TRPC6: variants seen among roughly 807,000 people sequenced by gnomAD.
TRPC6 encodes short transient receptor potential channel 6.
TRPC6 carries 55 observed loss-of-function variants against 90.7 expected under a neutral mutation model. The ratio of observed to expected loss-of-function variants is 0.61; its 90% confidence interval spans 0.49 to 0.76. TRPC6 has a LOEUF of 0.76. Among genes scored for constraint, TRPC6 ranks in the 30% least tolerant of loss-of-function variants. The probability of loss-of-function intolerance (pLI) is 0.00; values close to 1 mark genes in which losing one functional copy is unlikely to be tolerated. For synonymous variants in TRPC6, 393 were observed against 393.0 expected (o/e 1.00, Z 0.00); for missense variants, 989 against 1,122.7 (o/e 0.88, Z 1.70).
intron 10 of TRPC6, among the ~76,000 whole-genome samples, chr11:101,457,133 G>A (rs559501972): frequency 1.3e-5 from 2 of 152,150 alleles, no homozygotes; most frequent in African/African-American, 4.8e-5. Flanking sequence ...TAGGGATTTG[G>A]GTATTTATAG....
At chr11:101,528,810 T>C (rs534106964) in intron 1 of TRPC6, among the ~76,000 whole-genome samples, 24 of 152,230 alleles carry the variant, frequency 1.6e-4, no homozygotes, top group African/African-American at 5.5e-4. Flanking sequence ...GATTCTTAGA[T>C]GTTTTCTGGA....
At chr11:101,457,373 A>G (rs1858907915) in intron 10 of TRPC6, among the ~76,000 whole-genome samples, 1 of 152,056 alleles carries the variant, frequency 6.6e-6, no homozygotes, top group Non-Finnish European at 1.5e-5. Context: ...AACATTTCTC[A>G]TCTTGTAGGT....
At chr11:101,483,241 GAATA>G in intron 4 of TRPC6, 76 bp from the exon 5 acceptor site, 1 of 1,407,076 alleles carries the variant, frequency 7.1e-7, no homozygotes, top group Non-Finnish European at 1.0e-6. Context: ...ATACATGCAA[GAATA>G]AACATCTGCA....
intron 1 of TRPC6, among the ~76,000 whole-genome samples, chr11:101,581,008 CT>C (rs1376685948): frequency 6.6e-6 from 1 of 152,130 alleles, no homozygotes; most frequent in Non-Finnish European, 1.5e-5. Context: ...AACTTAAAAT[CT>C]TGTCAGAGAA....
chr11:101,486,470 A>T (rs1311820944), intron 4 of TRPC6, among the ~76,000 whole-genome samples: 15 of 152,178 alleles, frequency 9.9e-5, no homozygotes, highest in Non-Finnish European at 2.2e-4. Context: ...ATGACTAAAT[A>T]CCTAGCTACT....
intron 1 of TRPC6, among the ~76,000 whole-genome samples, chr11:101,579,511 C>T (rs1390571715): frequency 6.6e-6 from 1 of 152,118 alleles, no homozygotes; most frequent in Non-Finnish European, 1.5e-5. Context: ...GCAAGCATAT[C>T]TTTAGCAGGA....
intron 1 of TRPC6, among the ~76,000 whole-genome samples, chr11:101,554,101 C>T (rs919161530): frequency 8.6e-5 from 13 of 152,030 alleles, no homozygotes; most frequent in South Asian, 2.1e-4. Context: ...TTAAAGAACA[C>T]GTGGTCAGAT....
At position 101,466,702 on chromosome 11, in the gene TRPC6, C is replaced by T. The variant is rs1859154027; in HGVS notation, c.2484+2725G>A. 2.6e-5 allele frequency among the ~76,000 whole-genome samples: 4 copies of T among 152,156 alleles called. No individual in the cohort carries two copies. The South Asian group carries it at 8.3e-4, about 31-fold the overall frequency. On this transcript the variant is annotated intron_variant, in intron 10 of 12. Coordinates refer to ENST00000344327, the MANE Select transcript of TRPC6 (RefSeq NM_004621.6). ...GTCTCCCTGGCTTCAGCCCCCTTTC[C>T]AGGGGAGTGAATGGTTCTGTCTCAC...
At chr11:101,543,297 AT>A (rs1861217656) in intron 1 of TRPC6, among the ~76,000 whole-genome samples, 1 of 152,106 alleles carries the variant, frequency 6.6e-6, no homozygotes, top group African/African-American at 2.4e-5. Context: ...CACTTTGGCA[AT>A]TTCTTATAAA....
chr11:101,573,921 CGTGTGTGTGTGTGT>C (rs58766729), intron 1 of TRPC6, among the ~76,000 whole-genome samples: 3 of 131,974 alleles, frequency 2.3e-5, no homozygotes, highest in Non-Finnish European at 3.3e-5. Context: ...GAAACAAATA[CGTGTGTGTGTGTGT>C]GTGTGTGTGT....
intron 2 of TRPC6, among the ~76,000 whole-genome samples, chr11:101,502,614 C>G (rs766261916): frequency 6.6e-6 from 1 of 152,088 alleles, no homozygotes; most frequent in Non-Finnish European, 1.5e-5. Flanking sequence ...GTTCAAAATG[C>G]TTTAATTTGA....
intron 3 of TRPC6, among the ~76,000 whole-genome samples, chr11:101,491,108 A>G (rs1259081391): frequency 6.6e-6 from 1 of 152,206 alleles, no homozygotes; most frequent in Non-Finnish European, 1.5e-5. Context: ...CAATTAGTAC[A>G]GATGCTTATG....
chr11:101,512,517 T>C (rs1288368087), intron 1 of TRPC6, among the ~76,000 whole-genome samples: 1 of 152,196 alleles, frequency 6.6e-6, no homozygotes, highest in Non-Finnish European at 1.5e-5. Context: ...TGACATGTCA[T>C]TGTTCCCTTT....
intron 1 of TRPC6, among the ~76,000 whole-genome samples, chr11:101,539,591 C>G (rs575475820): frequency 6.6e-6 from 1 of 152,280 alleles, no homozygotes; most frequent in African/African-American, 2.4e-5. Flanking sequence ...AAACAGTTAC[C>G]TTGGCTGTTT....
In TRPC6 at chr11:101,471,400, C is replaced by T. The variant is rs2136669543; in HGVS notation, c.2206-14G>A. The T allele has an allele frequency of 3.7e-6, 6 of 1,613,226 alleles. No individual in the cohort carries two copies. In the East Asian group the frequency reaches 1.3e-4, roughly 36 times the overall value. ...ATCAGCGTCATCCTATACAAATACACATGACAGTTCAGCAAGGAAATGCAT... is the reference window on the plus strand; with the variant it reads ...ATCAGCGTCATCCTATACAAATACATATGACAGTTCAGCAAGGAAATGCAT... On this transcript the variant is annotated splice_polypyrimidine_tract_variant and intron_variant, in intron 8 of 12. Coordinates refer to ENST00000344327, the MANE Select transcript of TRPC6 (RefSeq NM_004621.6).
chr11:101,505,534 C>T (rs979781835), intron 1 of TRPC6, among the ~76,000 whole-genome samples: 1 of 152,098 alleles, frequency 6.6e-6, no homozygotes, highest in Admixed American at 6.6e-5. Context: ...GCAGAGGTAT[C>T]GGCTAGATGT....
Position 101,495,326 on chromosome 11 carries a change from A to T in TRPC6, c.946-3588T>A, listed in dbSNP as rs748101555. On this transcript the variant is annotated intron_variant, in intron 2 of 12. Coordinates refer to ENST00000344327, the MANE Select transcript of TRPC6 (RefSeq NM_004621.6). ...GCTCTTCTTTCTATATAAAGAATGA[A>T]GTTTACTTCATAGAAATTAACAGTG... Among the ~76,000 whole-genome samples the T allele has an allele frequency of 1.5e-3, 229 of 152,290 alleles. 2 individuals carry two copies. Among genetic ancestry groups the T allele is most frequent in the Non-Finnish European group, 2.5e-3 (169 of 68,012 alleles).
chr11:101,466,033 A>G (rs773568378), intron 10 of TRPC6, among the ~76,000 whole-genome samples: 2 of 152,174 alleles, frequency 1.3e-5, no homozygotes, highest in Non-Finnish European at 2.9e-5. Context: ...TCTAATCGTC[A>G]GGCCCCTCTG....
chr11:101,573,275 A>G (rs900117046), intron 1 of TRPC6, among the ~76,000 whole-genome samples: 1 of 147,954 alleles, frequency 6.8e-6, no homozygotes, highest in African/African-American at 2.4e-5. Context: ...TCCTTTCCTC[A>G]TCGAACTGGT....
Sources: allele counts gnomAD v4.1 joint callset (sites outside exome capture counted in the v4.1 genomes callset), GRCh38; gene constraint gnomAD v4.1.1; transcripts MANE v1.5; gene names NCBI Gene and HGNC (gene_info 2026-07-23, HGNC 2026-07-21).